The following OCRL variants were observed in gnomAD, a reference collection of about 807,000 sequenced individuals.
The protein encoded by OCRL is OCRL inositol polyphosphate-5-phosphatase, also known as inositol polyphosphate 5-phosphatase OCRL.
OCRL carries 8 observed loss-of-function variants against 78.9 expected under a neutral mutation model. The ratio of observed to expected loss-of-function variants is 0.10; its 90% CI spans 0.06 to 0.18. The LOEUF (loss-of-function observed/expected upper bound fraction) is 0.18, where lower values mean the gene tolerates loss of function less well. Among genes scored for constraint, OCRL ranks in the 10% least tolerant of loss-of-function variants. The probability of loss-of-function intolerance (pLI) is 1.00; values close to 1 mark genes in which losing one functional copy is unlikely to be tolerated. For missense variants in OCRL, 454 were observed against 696.7 expected, an observed-to-expected ratio of 0.65 and a Z score of 3.92; for synonymous variants, 240 against 235.4, an observed-to-expected ratio of 1.02 and a Z score of -0.18.
At chrX:129,571,952 A>G (rs1011821688) in intron 15 of OCRL, among the ~76,000 whole-genome samples, 1 of 111,597 alleles carries the variant, frequency 9.0e-6, no homozygotes, top group African/African-American at 3.3e-5. Flanking sequence ...AGTGCTGTCC[A>G]ATAGAGCTTT....
Position 129,576,527 on chromosome X carries a change from T to C in OCRL, c.2090T>C (p.Val697Ala). ...CGTATGAAAAGACCAATCCGAGAAG[T>C]TCCTGTTACCAAACTCATAGACTTG... ...LCRMKRPIRE[V>A]PVTKLIDLEE... The change falls in exon 18 of 24, where the codon GTT (valine) becomes GCT (alanine). Residue 697 changes from valine to alanine, a missense_variant. Physicochemically the swap from Val to Ala is moderately conservative, Grantham distance 64 (BLOSUM62 0). Transcript: ENST00000371113. The C allele has an allele frequency of 8.3e-7, 1 of 1,206,616 alleles. No individual in the cohort carries two copies. Among genetic ancestry groups the C allele is most frequent in the Non-Finnish European group, 1.1e-6 (1 of 890,897 alleles).
chrX:129,578,153 A>C, intron 18 of OCRL, among the ~76,000 whole-genome samples: 1 of 111,905 alleles, frequency 8.9e-6, no homozygotes, highest in African/African-American at 3.2e-5. Context: ...CAAAAAGGGC[A>C]CACTTAAGCA....
Position 129,540,377 on chromosome X carries a change from G to A in OCRL, c.-63G>A, listed in dbSNP as rs1204343262. 1 of 1,104,772 alleles carries A rather than the reference G, an allele frequency of 9.1e-7. No homozygotes were observed. The highest frequency in any genetic ancestry group is 1.2e-6 in the Non-Finnish European group (1 of 826,638). The allele number at this position is 1,104,772 out of a possible 1,213,427, so 91.0% of individuals were successfully genotyped here. On this transcript the variant is annotated 5_prime_UTR_variant, in exon 1 of 24. Coordinates refer to ENST00000371113, the MANE Select transcript of OCRL (RefSeq NM_000276.4). ...CCGAGGTGGGTGGGTGTGGGGACGCGGGAGCCAGTGTCGTCGGATCGGCCC... is the reference window on the plus strand; with the variant it reads ...CCGAGGTGGGTGGGTGTGGGGACGCAGGAGCCAGTGTCGTCGGATCGGCCC...
At chrX:129,544,110 A>C (rs994879051) in intron 2 of OCRL, among the ~76,000 whole-genome samples, 2 of 111,274 alleles carry the variant, frequency 1.8e-5, no homozygotes, top group African/African-American at 6.5e-5. Flanking sequence ...TTCCTGACAA[A>C]AAACTAAAAA....
chrX:129,540,484 C>T lies in OCRL; in HGVS notation c.39+6C>T, dbSNP rs1184388432. On this transcript the variant is annotated splice_donor_region_variant and intron_variant, in intron 1 of 23. Transcript: ENST00000371113. ...TCGGAGCCCAGCCGCTTGCCGTATC[C>T]GCCGGAGAGAAGGGAGAGGGGAGGC... The T allele has an allele frequency of 6.1e-6, 7 of 1,143,053 alleles. No individual in the cohort carries two copies. The highest frequency in any genetic ancestry group is 3.3e-5 in the East Asian group (1 of 30,116). The allele number at this position is 1,143,053 out of a possible 1,213,427, so 94.2% of individuals were successfully genotyped here. A position where few individuals can be genotyped will look rare whatever the true frequency, so the allele number is the denominator to read the frequency against.
intron 15 of OCRL, 135 bp from the exon 16 acceptor site, chrX:129,575,005 T>C: frequency 2.0e-6 from 1 of 493,694 alleles, no homozygotes; most frequent in Non-Finnish European, 3.7e-6. Flanking sequence ...ATATAGAGAG[T>C]GTTTGAGGAT....
rs756051578 is a variant in OCRL, at chrX:129,557,162, C to T, written c.239-163C>T. On this transcript the variant is annotated intron_variant, in intron 4 of 23. Coordinates refer to ENST00000371113, the MANE Select transcript of OCRL (RefSeq NM_000276.4). ...CTCTCTGCATCACCCCTTCCACCAC[C>T]GTCATACTGACTCTCTTGATCTTGT... is the stretch of plus-strand genomic sequence containing the variant. Among the ~76,000 whole-genome samples the T allele has an allele frequency of 5.4e-5, 6 of 111,177 alleles. No individual in the cohort carries two copies. The East Asian group carries it at 8.5e-4, about 16-fold the overall frequency.
chrX:129,583,778 G>C (rs761975106), intron 18 of OCRL, among the ~76,000 whole-genome samples: 37 of 111,501 alleles, frequency 3.3e-4, no homozygotes, highest in African/African-American at 1.1e-3. Flanking sequence ...ATCCGCAAAG[G>C]TCTGAAATGA....
intron 15 of OCRL, among the ~76,000 whole-genome samples, chrX:129,570,656 T>C (rs1432580473): frequency 8.9e-6 from 1 of 112,658 alleles, no homozygotes; most frequent in Non-Finnish European, 1.9e-5. Context: ...TAATCATTAA[T>C]AATAGTAACT....
intron 4 of OCRL, among the ~76,000 whole-genome samples, chrX:129,552,636 G>T (rs141183637): frequency 0.044 from 4,934 of 111,853 alleles, 223 homozygotes; most frequent in East Asian, 0.2. Context: ...TATTGGCCAG[G>T]CTGGTCTGGA....
At position 129,556,161 on chromosome X, in the gene OCRL, G is replaced by A. The variant is rs150647042; in HGVS notation, c.239-1164G>A. Among the ~76,000 whole-genome samples the A allele has an allele frequency of 7.2e-3, 803 of 112,255 alleles. 10 individuals are homozygous for A. The highest frequency in any genetic ancestry group is 0.025 in the African/African-American group (759 of 30,933). On this transcript the variant is annotated intron_variant, in intron 4 of 23. Coordinates refer to ENST00000371113, the MANE Select transcript of OCRL (RefSeq NM_000276.4). Reference sequence around the variant, plus strand: ...ACAAAAAGCTAAAGGTTCAGAAGTGGATTTCCACCATAAAAACTAGGATTT... The same window carrying A: ...ACAAAAAGCTAAAGGTTCAGAAGTGAATTTCCACCATAAAAACTAGGATTT...
At chrX:129,560,495 T>A in intron 8 of OCRL, 55 bp from the exon 9 acceptor site, 1 of 790,793 alleles carries the variant, frequency 1.3e-6, no homozygotes, top group Non-Finnish European at 1.9e-6. Flanking sequence ...AAAGAACTTC[T>A]GTTGGTTTAT....
At chrX:129,543,835 A>G (rs1277919141) in intron 2 of OCRL, among the ~76,000 whole-genome samples, 1 of 112,795 alleles carries the variant, frequency 8.9e-6, no homozygotes, top group Non-Finnish European at 1.9e-5. Flanking sequence ...ACCGCTGCTT[A>G]TAGCTTAATT....
At chrX:129,586,326 C>T (rs1450257133) in intron 19 of OCRL, among the ~76,000 whole-genome samples, 3 of 111,912 alleles carry the variant, frequency 2.7e-5, no homozygotes, top group African/African-American at 9.7e-5. Flanking sequence ...AACTTCTGGA[C>T]TCAGACCTTA....
chrX:129,540,416 C>T lies in OCRL; in HGVS notation c.-24C>T. 8.7e-7 allele frequency: 1 copy of T among 1,154,743 alleles called. No homozygotes were observed. The highest frequency in any genetic ancestry group is 1.1e-6 in the Non-Finnish European group (1 of 870,712). On this transcript the variant is annotated 5_prime_UTR_variant, in exon 1 of 24. Coordinates refer to ENST00000371113, the MANE Select transcript of OCRL (RefSeq NM_000276.4). ...TCGGATCGGCCCGCAGTCCGCTGTC[C>T]TGCTGAGCCCGGAGGCCGCCTGGAT...
chrX:129,541,427 T>C (rs1268783610), intron 2 of OCRL, among the ~76,000 whole-genome samples: 2 of 111,775 alleles, frequency 1.8e-5, no homozygotes, highest in African/African-American at 3.2e-5. Flanking sequence ...GAAAAGGTAA[T>C]GAAATGTGTA....
chrX:129,587,953 A>T (rs1225644463), intron 20 of OCRL, among the ~76,000 whole-genome samples: 1 of 111,679 alleles, frequency 9.0e-6, no homozygotes, highest in African/African-American at 3.3e-5. Context: ...TATTAGGTAC[A>T]GGCTAAAACC....
chrX:129,562,527 T>C (rs753992766), intron 11 of OCRL, 27 bp downstream of exon 11: 36 of 1,183,680 alleles, frequency 3.0e-5, no homozygotes, highest in Non-Finnish European at 4.0e-5. Context: ...ATGAGCTTGA[T>C]TATTATTCAT....
intron 2 of OCRL, 136 bp downstream of exon 2, chrX:129,540,959 T>C: frequency 1.8e-6 from 1 of 541,266 alleles, no homozygotes; most frequent in Non-Finnish European, 3.3e-6. Flanking sequence ...GAAGTGCCAG[T>C]GCTCTCTAAC....
Sources: allele counts gnomAD v4.1 joint callset (sites outside exome capture counted in the v4.1 genomes callset), GRCh38; gene constraint gnomAD v4.1.1; transcripts MANE v1.5; gene names NCBI Gene and HGNC (gene_info 2026-07-23, HGNC 2026-07-21).